Variants in FAM227B observed in about 807,000 individuals in gnomAD.
FAM227B encodes the protein family with sequence similarity 227 member B.
Under a neutral mutation model 73.8 loss-of-function variants are expected in FAM227B, and 88 were observed. That is an observed-to-expected ratio of 1.19 (90% CI 1.00 to 1.42). The LOEUF (loss-of-function observed/expected upper bound fraction) is 1.42, where lower values mean the gene tolerates loss of function less well. Among genes scored for constraint, FAM227B ranks in the 40% most tolerant of loss-of-function variants. The pLI, the probability that FAM227B is intolerant of heterozygous loss-of-function variation, is 0.00. For missense variants in FAM227B, 632 were observed against 590.9 expected (o/e 1.07, Z -0.72); for synonymous variants, 210 against 190.5 (o/e 1.10, Z -0.84).
intron 11 of FAM227B, among the ~76,000 whole-genome samples, chr15:49,394,725 G>A (rs1255970497): frequency 6.6e-6 from 1 of 152,158 alleles, no homozygotes; most frequent in Admixed American, 6.5e-5. Flanking sequence ...GATTAGCCAT[G>A]TTTAATTTAG....
chr15:49,369,694 G>A (rs552257947), intron 12 of FAM227B, among the ~76,000 whole-genome samples: 1 of 152,066 alleles, frequency 6.6e-6, no homozygotes, highest in African/African-American at 2.4e-5. Flanking sequence ...GGACAACTTC[G>A]GTGCCTGGAA....
At chr15:49,616,640 A>T (rs753177164) in intron 1 of FAM227B, among the ~76,000 whole-genome samples, 1 of 152,146 alleles carries the variant, frequency 6.6e-6, no homozygotes, top group Non-Finnish European at 1.5e-5. Context: ...ACTGTGAGAA[A>T]ATAAACTACT....
At chr15:49,462,594 T>C (rs962564120) in intron 11 of FAM227B, among the ~76,000 whole-genome samples, 1 of 152,180 alleles carries the variant, frequency 6.6e-6, no homozygotes, top group Non-Finnish European at 1.5e-5. Context: ...CTGGAAAGTA[T>C]AGAGTAGGGA....
intron 13 of FAM227B, chr15:49,366,594 G>C (rs116956420): frequency 0.017 from 26,465 of 1,595,940 alleles, 291 homozygotes; most frequent in Non-Finnish European, 0.02. Flanking sequence ...CCAGACGCAT[G>C]CAAGATTGCT....
At chr15:49,551,128 G>A (rs926887059) in intron 9 of FAM227B, among the ~76,000 whole-genome samples, 7 of 152,214 alleles carry the variant, frequency 4.6e-5, no homozygotes, top group Non-Finnish European at 5.9e-5. Context: ...AAAAAAATAC[G>A]AAAACCAGTC....
chr15:49,541,534 C>T, intron 10 of FAM227B, 146 bp downstream of exon 10: 2 of 623,080 alleles, frequency 3.2e-6, no homozygotes, highest in Non-Finnish European at 4.8e-6. Context: ...AAATAAATAA[C>T]ATTTATTTTA....
At chr15:49,425,749 C>T (rs2050070094) in intron 11 of FAM227B, among the ~76,000 whole-genome samples, 1 of 151,628 alleles carries the variant, frequency 6.6e-6, no homozygotes, top group African/African-American at 2.4e-5. Context: ...TTCTTTTTAA[C>T]CATAATTGAT....
At chr15:49,587,957 T>C (rs1214512142) in intron 5 of FAM227B, 59 bp downstream of exon 5, 1 of 1,322,062 alleles carries the variant, frequency 7.6e-7, no homozygotes, top group Non-Finnish European at 9.9e-7. Flanking sequence ...GGAAATGTAG[T>C]GTTTATATTT....
intron 5 of FAM227B, 66 bp from the exon 6 acceptor site, chr15:49,577,730 T>C: frequency 4.9e-6 from 5 of 1,014,832 alleles, no homozygotes; most frequent in Non-Finnish European, 7.3e-6. Context: ...TTAGTAAATT[T>C]GTTCAGTTAA....
Position 49,328,396 on chromosome 15 carries a change from TAAG to T in FAM227B, c.*169_*171del. ...CAAGATCATGCTTGGACAGATCTTTTAAGAATAACTTACTGAGATTTATTGATT... is the reference window on the plus strand; with the variant it reads ...CAAGATCATGCTTGGACAGATCTTTTAATAACTTACTGAGATTTATTGATT... On this transcript the variant is annotated 3_prime_UTR_variant, in exon 16 of 16. Transcript: ENST00000299338. 1 of 1,429,566 alleles carries T rather than the reference TAAG, an allele frequency of 7.0e-7. No individual in the cohort carries two copies. The highest frequency in any genetic ancestry group is 9.1e-7 in the Non-Finnish European group (1 of 1,095,044). The allele number at this position is 1,429,566 out of a possible 1,614,324, so 88.6% of individuals were successfully genotyped here.
At chr15:49,495,397 C>T (rs547171439) in intron 11 of FAM227B, among the ~76,000 whole-genome samples, 1 of 152,160 alleles carries the variant, frequency 6.6e-6, no homozygotes, top group Non-Finnish European at 1.5e-5. Flanking sequence ...CTTTGGGCTA[C>T]TCTGTGCCTT....
At chr15:49,501,484 G>A (rs2058128466) in intron 11 of FAM227B, among the ~76,000 whole-genome samples, 1 of 152,204 alleles carries the variant, frequency 6.6e-6, no homozygotes, top group Non-Finnish European at 1.5e-5. Context: ...GTATCTGGTG[G>A]AAGAAATTTC....
chr15:49,578,714 G>A (rs910563740), intron 5 of FAM227B, among the ~76,000 whole-genome samples: 1 of 152,130 alleles, frequency 6.6e-6, no homozygotes, highest in Non-Finnish European at 1.5e-5. Context: ...ATAAGAAAGA[G>A]AGACTTTTTA....
At chr15:49,455,166 G>A (rs1158366844) in intron 11 of FAM227B, among the ~76,000 whole-genome samples, 3 of 152,192 alleles carry the variant, frequency 2.0e-5, no homozygotes, top group Non-Finnish European at 4.4e-5. Flanking sequence ...TGATTTGTAT[G>A]CATGCAATGT....
At chr15:49,440,114 C>T (rs370720840) in intron 11 of FAM227B, among the ~76,000 whole-genome samples, 15 of 151,772 alleles carry the variant, frequency 9.9e-5, no homozygotes, top group African/African-American at 3.1e-4. Flanking sequence ...AATGACATCA[C>T]GAATTAGTGG....
intron 11 of FAM227B, among the ~76,000 whole-genome samples, chr15:49,381,127 C>T (rs1415211285): frequency 6.6e-6 from 1 of 152,054 alleles, no homozygotes; most frequent in Admixed American, 6.6e-5. Flanking sequence ...GAACTCAGAG[C>T]AACAGCTCAC....
intron 14 of FAM227B, 117 bp from the exon 15 acceptor site, chr15:49,331,966 A>G (rs1436694856): frequency 7.4e-6 from 5 of 677,996 alleles, no homozygotes; most frequent in African/African-American, 5.4e-5. Context: ...AGCACTTTAC[A>G]TATATTAATT....
At chr15:49,366,415 C>A (rs1440566154) in intron 13 of FAM227B, 3 of 848,088 alleles carry the variant, frequency 3.5e-6, no homozygotes, top group Non-Finnish European at 6.2e-6. Context: ...TGCCCCATTG[C>A]ACCACAACTG....
chr15:49,546,553 G>T (rs2071922475), intron 9 of FAM227B, among the ~76,000 whole-genome samples: 1 of 152,124 alleles, frequency 6.6e-6, no homozygotes, highest in Admixed American at 6.5e-5. Context: ...CACAATGGTT[G>T]AACTAGTTTA....
Sources: gnomAD v4.1 joint callset for allele counts (sites outside exome capture counted in the v4.1 genomes callset) on GRCh38, gnomAD v4.1.1 for gene constraint, MANE v1.5 for transcripts, NCBI Gene and HGNC (gene_info 2026-07-23, HGNC 2026-07-21) for gene names.